The following GPR141 variants were observed in gnomAD, a reference collection of about 807,000 sequenced individuals.
The protein encoded by GPR141 is G protein-coupled receptor 141.
A neutral mutation model predicts 6.8 loss-of-function variants in GPR141; 6 were observed. The observed-to-expected ratio is 0.88, with a 90% confidence interval of 0.48 to 1.74. The LOEUF (loss-of-function observed/expected upper bound fraction) is 1.74. Among genes scored for constraint, GPR141 ranks in the 40% most tolerant of loss-of-function variants. The probability of loss-of-function intolerance (pLI) is 0.01; values close to 1 mark genes in which losing one functional copy is unlikely to be tolerated. For missense variants in GPR141, 372 were observed against 372.9 expected (o/e 1.00, Z 0.02); for synonymous variants, 140 against 142.3 (o/e 0.98, Z 0.11).
intron 2 of GPR141, among the ~76,000 whole-genome samples, chr7:37,694,108 G>C (rs1809908796): frequency 6.6e-6 from 1 of 152,178 alleles, no homozygotes; most frequent in African/African-American, 2.4e-5. Context: ...ACTTTGGTGA[G>C]GTATGACTGC....
chr7:37,726,948 T>C (rs1811662055), intron 2 of GPR141, among the ~76,000 whole-genome samples: 1 of 152,132 alleles, frequency 6.6e-6, no homozygotes. Context: ...TTAGGGATAA[T>C]TGTAAGATTT....
At chr7:37,707,017 C>A (rs779570471) in intron 2 of GPR141, among the ~76,000 whole-genome samples, 1 of 151,890 alleles carries the variant, frequency 6.6e-6, no homozygotes, top group Non-Finnish European at 1.5e-5. Context: ...CCTTTCCCTC[C>A]AGAGCTTCCC....
At chr7:37,721,835 T>C (rs1009907234) in intron 2 of GPR141, among the ~76,000 whole-genome samples, 2 of 152,210 alleles carry the variant, frequency 1.3e-5, no homozygotes, top group Non-Finnish European at 2.9e-5. Flanking sequence ...GGTGTCTGTC[T>C]CAGGGGGCAA....
chr7:37,703,144 A>C (rs764292592), intron 2 of GPR141, among the ~76,000 whole-genome samples: 4 of 152,150 alleles, frequency 2.6e-5, no homozygotes, highest in Admixed American at 6.5e-5. Flanking sequence ...TTTACTGTGT[A>C]CACATTGTAG....
At chr7:37,707,962 CA>C (rs1810600601) in intron 2 of GPR141, among the ~76,000 whole-genome samples, 1 of 152,156 alleles carries the variant, frequency 6.6e-6, no homozygotes, top group Admixed American at 6.5e-5. Flanking sequence ...AACAACACCA[CA>C]GACTGCCTCT....
chr7:37,706,651 A>G (rs1810537954), intron 2 of GPR141, among the ~76,000 whole-genome samples: 1 of 152,196 alleles, frequency 6.6e-6, no homozygotes, highest in South Asian at 2.1e-4. Flanking sequence ...GCAGAGGCTC[A>G]GCTGAACCTA....
intron 2 of GPR141, among the ~76,000 whole-genome samples, chr7:37,719,955 A>G (rs1031944934): frequency 3.3e-5 from 5 of 152,198 alleles, no homozygotes; most frequent in African/African-American, 1.2e-4. Context: ...GGGGAGCAGC[A>G]GGAATAATGG....
intron 2 of GPR141, among the ~76,000 whole-genome samples, chr7:37,719,919 G>A (rs1174277678): frequency 1.3e-5 from 2 of 152,134 alleles, no homozygotes; most frequent in Admixed American, 1.3e-4. Flanking sequence ...GGCAAGGATG[G>A]GGGAGCCAGG....
intron 2 of GPR141, among the ~76,000 whole-genome samples, chr7:37,734,104 T>A (rs1812119492): frequency 6.6e-6 from 1 of 151,610 alleles, no homozygotes; most frequent in Admixed American, 6.6e-5. Context: ...GCACAGGAGA[T>A]CAAGGCTGCA....
chr7:37,739,930 T>C (rs1448090885), intron 2 of GPR141, among the ~76,000 whole-genome samples: 2 of 152,194 alleles, frequency 1.3e-5, no homozygotes, highest in Non-Finnish European at 2.9e-5. Flanking sequence ...TCTTGGGTCA[T>C]TTGCTAATAA....
At chr7:37,688,591 G>A (rs891006055) in intron 2 of GPR141, among the ~76,000 whole-genome samples, 11 of 152,158 alleles carry the variant, frequency 7.2e-5, no homozygotes, top group Non-Finnish European at 1.3e-4. Flanking sequence ...CTACTGAGAC[G>A]CACTCATCCT....
At chr7:37,703,662 G>A (rs1480602394) in intron 2 of GPR141, among the ~76,000 whole-genome samples, 1 of 152,144 alleles carries the variant, frequency 6.6e-6, no homozygotes, top group Non-Finnish European at 1.5e-5. Flanking sequence ...CTGTGCCTCA[G>A]TTCCCTCAGT....
At chr7:37,736,755 G>A (rs1329352635) in intron 2 of GPR141, among the ~76,000 whole-genome samples, 2 of 152,120 alleles carry the variant, frequency 1.3e-5, no homozygotes, top group African/African-American at 2.4e-5. Context: ...TACGAAAGCT[G>A]AGAGAATTTA....
intron 2 of GPR141, among the ~76,000 whole-genome samples, chr7:37,722,039 G>A (rs1352526587): frequency 6.6e-6 from 1 of 152,104 alleles, no homozygotes; most frequent in Non-Finnish European, 1.5e-5. Flanking sequence ...TGACTTTAAG[G>A]AAATATTTCA....
chr7:37,710,229 T>G (rs1306555381), intron 2 of GPR141, among the ~76,000 whole-genome samples: 1 of 152,214 alleles, frequency 6.6e-6, no homozygotes. Flanking sequence ...ACTCTTTTGT[T>G]CTTAGATTAC....
At chr7:37,724,250 C>G (rs537467041) in intron 2 of GPR141, among the ~76,000 whole-genome samples, 1 of 152,026 alleles carries the variant, frequency 6.6e-6, no homozygotes, top group Non-Finnish European at 1.5e-5. Flanking sequence ...ATGAGTGAGG[C>G]TGCAGATCTA....
intron 2 of GPR141, among the ~76,000 whole-genome samples, chr7:37,693,623 C>A (rs1809882859): frequency 6.6e-6 from 1 of 152,002 alleles, no homozygotes; most frequent in African/African-American, 2.4e-5. Context: ...GCATCCCAGA[C>A]TTGTGAGAGC....
intron 2 of GPR141, among the ~76,000 whole-genome samples, chr7:37,698,891 T>G (rs1246976964): frequency 6.6e-6 from 1 of 152,238 alleles, no homozygotes; most frequent in African/African-American, 2.4e-5. Context: ...TTGAGCAGTT[T>G]CTGTATCCTA....
intron 2 of GPR141, among the ~76,000 whole-genome samples, chr7:37,711,755 A>C (rs13227859): frequency 0.08 from 12,174 of 152,210 alleles, 750 homozygotes; most frequent in East Asian, 0.28. Context: ...CTTGTCCCTG[A>C]GTACTTCCTA....
Sources: allele counts gnomAD v4.1 joint callset (sites outside exome capture counted in the v4.1 genomes callset), GRCh38; gene constraint gnomAD v4.1.1; transcripts MANE v1.5; gene names NCBI Gene and HGNC (gene_info 2026-07-23, HGNC 2026-07-21).